Variants in UNC5C observed in about 807,000 individuals in gnomAD.
UNC5C encodes netrin receptor UNC5C.
Under a neutral mutation model 99.8 loss-of-function variants are expected in UNC5C, and 47 were observed. That is an observed-to-expected ratio of 0.47 (90% CI 0.37 to 0.60). The LOEUF (loss-of-function observed/expected upper bound fraction) is 0.60, where lower values mean the gene tolerates loss of function less well. Among genes scored for constraint, UNC5C ranks in the 20% least tolerant of loss-of-function variants. The pLI, the probability that UNC5C is intolerant of heterozygous loss-of-function variation, is 0.00. For missense variants in UNC5C, 1,062 were observed against 1,165.9 expected (o/e 0.91, Z 1.30); for synonymous variants, 487 against 452.2 (o/e 1.08, Z -0.98).
chr4:95,240,625 A>ACAAAC (rs150622711), intron 7 of UNC5C, among the ~76,000 whole-genome samples: 5,557 of 152,168 alleles, frequency 0.037, 113 homozygotes, highest in South Asian at 0.08. Flanking sequence ...TACAAACAAA[A>ACAAAC]ACAAACACAA....
intron 3 of UNC5C, among the ~76,000 whole-genome samples, chr4:95,289,571 A>G: frequency 6.6e-6 from 1 of 152,124 alleles, no homozygotes; most frequent in East Asian, 1.9e-4. Context: ...TATTTTTTTA[A>G]AAAAAGCTGT....
chr4:95,347,156 C>T (rs1008608369), intron 1 of UNC5C, among the ~76,000 whole-genome samples: 7 of 151,854 alleles, frequency 4.6e-5, no homozygotes, highest in Non-Finnish European at 1.0e-4. Flanking sequence ...GTAAATAATC[C>T]CATTTACAGT....
At chr4:95,399,173 C>G (rs557298601) in intron 1 of UNC5C, among the ~76,000 whole-genome samples, 1 of 152,136 alleles carries the variant, frequency 6.6e-6, no homozygotes, top group East Asian at 1.9e-4. Context: ...AATAAAAATG[C>G]AATCACTAGT....
chr4:95,536,555 C>T (rs1424706357), intron 1 of UNC5C, among the ~76,000 whole-genome samples: 1 of 152,122 alleles, frequency 6.6e-6, no homozygotes, highest in Non-Finnish European at 1.5e-5. Context: ...TTATTTTCAA[C>T]ATAATTCAGT....
chr4:95,543,994 C>A (rs1489810364), intron 1 of UNC5C, among the ~76,000 whole-genome samples: 1 of 152,184 alleles, frequency 6.6e-6, no homozygotes, highest in Non-Finnish European at 1.5e-5. Flanking sequence ...CAGCTATCAT[C>A]ACTCTGAGTT....
chr4:95,198,274 T>A (rs1461089972), intron 12 of UNC5C, among the ~76,000 whole-genome samples: 1 of 151,582 alleles, frequency 6.6e-6, no homozygotes, highest in African/African-American at 2.4e-5. Flanking sequence ...CAGGCGTGAG[T>A]CACCGTGCCC....
At chr4:95,464,700 A>G (rs2149472269) in intron 1 of UNC5C, among the ~76,000 whole-genome samples, 1 of 152,318 alleles carries the variant, frequency 6.6e-6, no homozygotes. Context: ...AATTATTTGT[A>G]TGATTTTTGT....
At chr4:95,361,279 T>C (rs1401036740) in intron 1 of UNC5C, among the ~76,000 whole-genome samples, 1 of 152,186 alleles carries the variant, frequency 6.6e-6, no homozygotes, top group Non-Finnish European at 1.5e-5. Context: ...GATTTGTTGT[T>C]TTCATACTCT....
At position 95,285,915 on chromosome 4, in the gene UNC5C, G is replaced by A. The variant is rs920580260; in HGVS notation, c.491-7553C>T. On this transcript the variant is annotated intron_variant, in intron 3 of 15. Transcript: ENST00000453304. ...AGGCTAACACTGTGGCTGAGAACAA[G>A]GTTTTGGCATACAAAACCCTGGGTT... is the stretch of plus-strand genomic sequence containing the variant. 2.0e-5 allele frequency among the ~76,000 whole-genome samples: 3 copies of A among 152,226 alleles called. No individual in the cohort carries two copies. The East Asian group carries it at 5.8e-4, about 29-fold the overall frequency.
chr4:95,295,409 C>T (rs1278913275), intron 3 of UNC5C, among the ~76,000 whole-genome samples: 1 of 152,212 alleles, frequency 6.6e-6, no homozygotes, highest in Non-Finnish European at 1.5e-5. Flanking sequence ...GTTCTCAGCA[C>T]AGCCTGGCTG....
intron 1 of UNC5C, among the ~76,000 whole-genome samples, chr4:95,520,034 G>T (rs1180408956): frequency 6.6e-6 from 1 of 152,170 alleles, no homozygotes; most frequent in Non-Finnish European, 1.5e-5. Flanking sequence ...CTAAGAGGAA[G>T]TAGGTAGGAA....
chr4:95,180,525 T>C (rs1389153849), intron 14 of UNC5C, among the ~76,000 whole-genome samples: 17 of 152,350 alleles, frequency 1.1e-4, no homozygotes, highest in Non-Finnish European at 2.5e-4. Context: ...TTAAACTTCA[T>C]CTCTGTGAAA....
chr4:95,400,752 C>T (rs571241877), intron 1 of UNC5C, among the ~76,000 whole-genome samples: 5 of 152,280 alleles, frequency 3.3e-5, no homozygotes, highest in South Asian at 2.1e-4. Context: ...ACCTTCCAGT[C>T]CCCAACTCCA....
chr4:95,243,437 A>G (rs1347773999), intron 6 of UNC5C, among the ~76,000 whole-genome samples: 1 of 152,204 alleles, frequency 6.6e-6, no homozygotes, highest in Non-Finnish European at 1.5e-5. Context: ...TTCAAAATGC[A>G]GCTTAAGCTT....
rs529679942 is a variant in UNC5C, at chr4:95,311,861, T to G, written c.347-10112A>C. On this transcript the variant is annotated intron_variant, in intron 2 of 15. Coordinates refer to ENST00000453304, the MANE Select transcript of UNC5C (RefSeq NM_003728.4). Reference sequence around the variant, plus strand: ...GAATTCAAGACCAGCCTGGGCAACATAAAGAGACCCTGTCTCTACAAATAA... The same window carrying G: ...GAATTCAAGACCAGCCTGGGCAACAGAAAGAGACCCTGTCTCTACAAATAA... 2.0e-5 allele frequency among the ~76,000 whole-genome samples: 3 copies of G among 152,174 alleles called. No individual in the cohort carries two copies. The South Asian group carries it at 6.2e-4, about 32-fold the overall frequency.
chr4:95,460,854 C>A (rs1747580717), intron 1 of UNC5C, among the ~76,000 whole-genome samples: 1 of 152,116 alleles, frequency 6.6e-6, no homozygotes, highest in South Asian at 2.1e-4. Flanking sequence ...CCCACTATTA[C>A]TGGGATAGGA....
chr4:95,180,754 C>A (rs1027236498), intron 14 of UNC5C, among the ~76,000 whole-genome samples: 3 of 152,150 alleles, frequency 2.0e-5, no homozygotes, highest in African/African-American at 7.2e-5. Flanking sequence ...GGAGGGGCAG[C>A]ACATTTCTGG....
At chr4:95,547,651 G>A (rs1327229234) in intron 1 of UNC5C, among the ~76,000 whole-genome samples, 3 of 152,242 alleles carry the variant, frequency 2.0e-5, no homozygotes, top group Non-Finnish European at 4.4e-5. Context: ...AGTGGGCTAA[G>A]AGACCCAAGT....
intron 1 of UNC5C, among the ~76,000 whole-genome samples, chr4:95,414,644 C>T (rs1419899042): frequency 6.6e-6 from 1 of 152,182 alleles, no homozygotes; most frequent in Non-Finnish European, 1.5e-5. Flanking sequence ...TTTCTCTAAC[C>T]CTTAGTCCAC....
Sources: gnomAD v4.1 joint callset for allele counts (sites outside exome capture counted in the v4.1 genomes callset) on GRCh38, gnomAD v4.1.1 for gene constraint, MANE v1.5 for transcripts, NCBI Gene and HGNC (gene_info 2026-07-23, HGNC 2026-07-21) for gene names.